The following SNTG1 variants were observed in gnomAD, a reference collection of about 807,000 sequenced individuals.
SNTG1 encodes syntrophin gamma 1.
Under a neutral mutation model 74.7 loss-of-function variants are expected in SNTG1, and 39 were observed. The observed-to-expected ratio is 0.52, with a 90% CI of 0.40 to 0.68. The LOEUF (loss-of-function observed/expected upper bound fraction) is 0.68. Ranked by LOEUF, SNTG1 falls within the 30% of genes least tolerant of loss-of-function variation. The pLI, the probability that SNTG1 is intolerant of heterozygous loss-of-function variation, is 0.00. For missense variants in SNTG1, 685 were observed against 609.5 expected, an observed-to-expected ratio of 1.12 and a Z score of -1.30; for synonymous variants, 254 against 217.1, an observed-to-expected ratio of 1.17 and a Z score of -1.49.
chr8:50,701,586 C>CTTCTTCTCCTTCTTCTTCTTCTTCT (rs2095423842), intron 15 of SNTG1, among the ~76,000 whole-genome samples: 1 of 145,206 alleles, frequency 6.9e-6, no homozygotes, highest in Non-Finnish European at 1.5e-5. Context: ...CTTTTTCTTC[C>CTTCTTCTCCTTCTTCTTCTTCTTCT]TCTTCTTCTT....
chr8:50,480,831 T>C (rs138989059), intron 8 of SNTG1, among the ~76,000 whole-genome samples: 1,634 of 152,290 alleles, frequency 0.011, 36 homozygotes, highest in African/African-American at 0.037. Context: ...AAATATTTCA[T>C]TGAAAGAATT....
intron 1 of SNTG1, among the ~76,000 whole-genome samples, chr8:50,160,062 A>T (rs1379901568): frequency 6.6e-6 from 1 of 152,234 alleles, no homozygotes; most frequent in East Asian, 1.9e-4. Flanking sequence ...ATATTTATGC[A>T]GGACAACATA....
At chr8:50,126,155 T>A (rs1480486536) in intron 1 of SNTG1, among the ~76,000 whole-genome samples, 1 of 152,018 alleles carries the variant, frequency 6.6e-6, no homozygotes, top group Non-Finnish European at 1.5e-5. Context: ...CCAGGGAAAT[T>A]CAGGGACTCC....
At chr8:50,479,563 C>G (rs1266075221) in intron 8 of SNTG1, among the ~76,000 whole-genome samples, 1 of 152,046 alleles carries the variant, frequency 6.6e-6, no homozygotes, top group Non-Finnish European at 1.5e-5. Context: ...CATTTAGCTC[C>G]TCACCTACAC....
chr8:50,523,631 G>C (rs2094197768), intron 9 of SNTG1, among the ~76,000 whole-genome samples: 1 of 152,156 alleles, frequency 6.6e-6, no homozygotes, highest in Non-Finnish European at 1.5e-5. Context: ...GCCTTATGTG[G>C]CGTGGTTTGT....
chr8:50,250,559 G>A (rs896619041), intron 2 of SNTG1, among the ~76,000 whole-genome samples: 8 of 152,056 alleles, frequency 5.3e-5, no homozygotes, highest in Non-Finnish European at 1.5e-5. Flanking sequence ...TCTAAAAGCT[G>A]CAAGAGATAA....
chr8:50,320,422 C>T (rs781198245), intron 2 of SNTG1, among the ~76,000 whole-genome samples: 8 of 151,872 alleles, frequency 5.3e-5, no homozygotes, highest in Non-Finnish European at 1.2e-4. Context: ...GTTAGTCTGA[C>T]TACAGATTTG....
chr8:50,324,956 TATA>T (rs1385090205), intron 2 of SNTG1, among the ~76,000 whole-genome samples: 9 of 146,482 alleles, frequency 6.1e-5, no homozygotes, highest in Middle Eastern at 3.6e-3. Flanking sequence ...TATATATATA[TATA>T]TATATATATA....
intron 4 of SNTG1, among the ~76,000 whole-genome samples, chr8:50,423,941 C>T (rs1587572263): frequency 6.6e-6 from 1 of 152,176 alleles, no homozygotes; most frequent in East Asian, 1.9e-4. Context: ...ATTGGAGACC[C>T]AAAGTTCTTC....
chr8:50,167,526 G>A (rs1034311987), intron 1 of SNTG1, among the ~76,000 whole-genome samples: 4 of 151,456 alleles, frequency 2.6e-5, no homozygotes, highest in Non-Finnish European at 5.9e-5. Flanking sequence ...GCCAAGTGCG[G>A]TAGCTCATGC....
chr8:50,230,410 G>A (rs1356568641), intron 2 of SNTG1, among the ~76,000 whole-genome samples: 2 of 151,222 alleles, frequency 1.3e-5, no homozygotes, highest in Non-Finnish European at 3.0e-5. Flanking sequence ...TACATTAAGG[G>A]AGTAATACTA....
intron 12 of SNTG1, among the ~76,000 whole-genome samples, chr8:50,563,849 G>A (rs1166061163): frequency 1.3e-5 from 2 of 152,034 alleles, no homozygotes; most frequent in Non-Finnish European, 2.9e-5. Flanking sequence ...AATCTCTCCT[G>A]AAAAGATTCT....
chr8:49,951,873 CAAAAAAAAAAAAAAAAA>C (rs5891338), intron 1 of SNTG1, among the ~76,000 whole-genome samples: 4 of 56,268 alleles, frequency 7.1e-5, no homozygotes, highest in Admixed American at 3.3e-4. Flanking sequence ...GGAAAATTCA[CAAAAAAAAAAAAAAAAA>C]AAAAAAAAAA....
At chr8:50,165,445 C>G (rs77888028) in intron 1 of SNTG1, among the ~76,000 whole-genome samples, 1 of 152,154 alleles carries the variant, frequency 6.6e-6, no homozygotes, top group African/African-American at 2.4e-5. Flanking sequence ...ATTTTGTGTC[C>G]TGTATACTGA....
intron 15 of SNTG1, among the ~76,000 whole-genome samples, chr8:50,679,957 T>G (rs1293017657): frequency 6.6e-6 from 1 of 152,148 alleles, no homozygotes; most frequent in Non-Finnish European, 1.5e-5. Context: ...AAACCTGTAT[T>G]TGGGCAAGGG....
intron 2 of SNTG1, among the ~76,000 whole-genome samples, chr8:50,218,763 G>GTAA (rs1218373158): frequency 1.3e-5 from 2 of 152,040 alleles, no homozygotes; most frequent in Non-Finnish European, 2.9e-5. Context: ...AATAGCCTTT[G>GTAA]TAATACATTA....
Position 50,370,347 on chromosome 8 carries a change from C to T in SNTG1, c.-27-23865C>T, listed in dbSNP as rs558075749. Among the ~76,000 whole-genome samples, 4 of 152,314 alleles carry T rather than the reference C, an allele frequency of 2.6e-5. No individual in the cohort carries two copies. In the East Asian group the frequency reaches 7.7e-4, roughly 29 times the overall value. On this transcript the variant is annotated intron_variant, in intron 2 of 18. Transcript: ENST00000642720. ...TTGAACTCCCAGCCTGTTGAACTAT[C>T]TGCTACAGTGAGGGCATTGATTGGT...
In SNTG1 at chr8:50,325,491, G is replaced by A. The variant is rs116195536; in HGVS notation, c.-27-68721G>A. Among the ~76,000 whole-genome samples, 1,406 of 152,012 alleles carry A rather than the reference G, an allele frequency of 9.2e-3. 27 individuals are homozygous for A. Among genetic ancestry groups the A allele is most frequent in the African/African-American group, 0.032 (1,336 of 41,498 alleles). The stretch of plus-strand genomic sequence containing the variant: ...TTGGGGTGCTAATGTAAATGATATT[G>A]CATCTTTAATTTCAAACTGCACTAG... On this transcript the variant is annotated intron_variant, in intron 2 of 18. Coordinates refer to ENST00000642720, the MANE Select transcript of SNTG1 (RefSeq NM_018967.5).
intron 1 of SNTG1, among the ~76,000 whole-genome samples, chr8:49,924,986 C>G (rs888028461): frequency 1.3e-5 from 2 of 151,848 alleles, no homozygotes; most frequent in Non-Finnish European, 2.9e-5. Context: ...CCCCCCATCA[C>G]TACAAAAAGT....
Sources: gnomAD v4.1 joint callset for allele counts (sites outside exome capture counted in the v4.1 genomes callset) on GRCh38, gnomAD v4.1.1 for gene constraint, MANE v1.5 for transcripts, NCBI Gene and HGNC (gene_info 2026-07-23, HGNC 2026-07-21) for gene names.